Variants in RSPH14 observed in about 807,000 individuals in gnomAD.
RSPH14 encodes radial spoke head 14 homolog, also known as rhabdoid tumor deletion region gene 1.
A neutral mutation model predicts 26.7 loss-of-function variants in RSPH14; 20 were observed. That is an observed-to-expected ratio of 0.75 (90% CI 0.53 to 1.09). The LOEUF (loss-of-function observed/expected upper bound fraction) is 1.09, where lower values mean the gene tolerates loss of function less well. Ranked by LOEUF, RSPH14 falls within the 50% of genes least tolerant of loss-of-function variation. The probability of loss-of-function intolerance (pLI) is 0.00; values close to 1 mark genes in which losing one functional copy is unlikely to be tolerated. For synonymous variants in RSPH14, 177 were observed against 189.3 expected (o/e 0.93, Z 0.53); for missense variants, 449 against 457.2 (o/e 0.98, Z 0.16).
the RSPH14 span, chr22:23,161,691 G>A: frequency 2.5e-6 from 2 of 803,528 alleles, no homozygotes; most frequent in Admixed American, 2.5e-5. Flanking sequence ...CCATGTTCCA[G>A]TCCCTCCACC....
At chr22:23,123,732 TGCCCCTTCAC>T in intron 4 of RSPH14, 5 of 378,550 alleles carry the variant, frequency 1.3e-5, no homozygotes, top group South Asian at 3.7e-5. Context: ...AAGCCCAACC[TGCCCCTTCAC>T]TTTGCCTTCC....
At chr22:23,094,644 C>T (rs1362997340) in intron 4 of RSPH14, among the ~76,000 whole-genome samples, 2 of 152,232 alleles carry the variant, frequency 1.3e-5, no homozygotes, top group South Asian at 4.1e-4. Flanking sequence ...ACGGTGCTCC[C>T]ACAGCCTGAA....
chr22:23,180,170 G>A, the RSPH14 span: 34 of 235,466 alleles, frequency 1.4e-4, no homozygotes, highest in African/African-American at 5.9e-4. Context: ...TGGACTGGCC[G>A]GAGAAGTCCT....
At chr22:23,097,189 G>C (rs1317127540) in intron 4 of RSPH14, among the ~76,000 whole-genome samples, 1 of 152,196 alleles carries the variant, frequency 6.6e-6, no homozygotes, top group Admixed American at 6.5e-5. Context: ...GGGAGTGGGG[G>C]CAAACAAGGA....
intron 4 of RSPH14, chr22:23,123,042 T>A (rs369001342): frequency 7.6e-7 from 1 of 1,319,794 alleles, no homozygotes; most frequent in Non-Finnish European, 1.1e-6. Context: ...GGTCTGTCTC[T>A]GCCTGCTGCG....
At chr22:23,172,934 A>T in the RSPH14 span, among the ~76,000 whole-genome samples, 2 of 151,614 alleles carry the variant, frequency 1.3e-5, no homozygotes, top group African/African-American at 4.8e-5. Context: ...TGGGGTACAG[A>T]ACGAGACTGC....
At chr22:23,086,086 G>A (rs969283851) in intron 4 of RSPH14, among the ~76,000 whole-genome samples, 1 of 152,264 alleles carries the variant, frequency 6.6e-6, no homozygotes, top group African/African-American at 2.4e-5. Flanking sequence ...TCTACGGCGG[G>A]TGACCCTGGC....
At position 23,133,587 on chromosome 22, in the gene RSPH14, T is replaced by C. The variant is rs893734840; in HGVS notation, c.421+439A>G. ...CGTTTAGGATATGCGCTTTTCTTTTTTCTTTCTTTTTTTTTGTCTTAAGAC... is the reference window on the plus strand; with the variant it reads ...CGTTTAGGATATGCGCTTTTCTTTTCTCTTTCTTTTTTTTTGTCTTAAGAC... On this transcript the variant is annotated intron_variant, in intron 4 of 6. Coordinates refer to ENST00000216036, the MANE Select transcript of RSPH14 (RefSeq NM_014433.3). 1.0e-3 allele frequency among the ~76,000 whole-genome samples: 156 copies of C among 152,242 alleles called. 2 individuals are homozygous for C. Among genetic ancestry groups the C allele is most frequent in the Non-Finnish European group, 1.4e-3 (98 of 68,008 alleles).
chr22:23,156,221 G>C, the RSPH14 span: 3 of 561,236 alleles, frequency 5.3e-6, no homozygotes, highest in Non-Finnish European at 6.5e-6. Context: ...GCTGACTTTG[G>C]CGATCACACC....
In RSPH14 at chr22:23,128,081, G is replaced by C. The variant is rs189525430; in HGVS notation, c.421+5945C>G. Reference sequence around the variant, plus strand: ...CTGGCACAAGGAGAGGGAGACTGGAGGCAGGGCCAGAACAGACTCACAGGT... The same window carrying C: ...CTGGCACAAGGAGAGGGAGACTGGACGCAGGGCCAGAACAGACTCACAGGT... On this transcript the variant is annotated intron_variant, in intron 4 of 6. Coordinates refer to ENST00000216036, the MANE Select transcript of RSPH14 (RefSeq NM_014433.3). Among the ~76,000 whole-genome samples, 13 of 152,320 alleles carry C rather than the reference G, an allele frequency of 8.5e-5. No individual in the cohort carries two copies. In the East Asian group the frequency reaches 2.5e-3, roughly 29 times the overall value.
upstream of RSPH14, among the ~76,000 whole-genome samples, chr22:23,142,630 G>A (rs1240209076): frequency 6.6e-6 from 1 of 152,212 alleles, no homozygotes; most frequent in Non-Finnish European, 1.5e-5. Context: ...GAGCCACTGC[G>A]CTCAGCCAGT....
chr22:23,153,490 CA>C, the RSPH14 span: 46 of 883,034 alleles, frequency 5.2e-5, no homozygotes, highest in South Asian at 2.1e-3. Flanking sequence ...TGGCCTCCCG[CA>C]GGTTGCTGCT....
the RSPH14 span, chr22:23,162,692 G>T: frequency 2.2e-6 from 1 of 456,130 alleles, no homozygotes; most frequent in Non-Finnish European, 4.4e-6. Context: ...ACCTGGCTAT[G>T]CCCACTCATC....
intron 4 of RSPH14, chr22:23,124,614 CTT>C (rs1376897580): frequency 4.6e-6 from 1 of 218,402 alleles, no homozygotes; most frequent in Non-Finnish European, 9.9e-6. Flanking sequence ...TTATTTGTGG[CTT>C]TGCTGAGTGA....
chr22:23,095,918 T>C (rs988956804), intron 4 of RSPH14: 13 of 1,613,480 alleles, frequency 8.1e-6, no homozygotes, highest in Non-Finnish European at 1.1e-5. Context: ...CCTCATCATC[T>C]ACAATGCCAT....
At chr22:23,096,130 C>G (rs1328521572) in intron 4 of RSPH14, 1 of 1,612,066 alleles carries the variant, frequency 6.2e-7, no homozygotes, top group African/African-American at 1.3e-5. Context: ...GCCGCTCCAG[C>G]GAGTACCACC....
intron 4 of RSPH14, among the ~76,000 whole-genome samples, chr22:23,107,798 C>G (rs142584661): frequency 1.3e-5 from 2 of 152,144 alleles, no homozygotes; most frequent in East Asian, 3.8e-4. Context: ...AGTTCCTGAT[C>G]GTTTTAAAGC....
chr22:23,086,081 G>A (rs572692599), intron 4 of RSPH14, among the ~76,000 whole-genome samples: 6 of 152,358 alleles, frequency 3.9e-5, no homozygotes, highest in Admixed American at 2.6e-4. Context: ...TTCTGTCTAC[G>A]GCGGGTGACC....
upstream of RSPH14, chr22:23,142,162 A>C (rs533214271): frequency 5.4e-5 from 19 of 349,506 alleles, no homozygotes; most frequent in Admixed American, 2.6e-4. Context: ...GACCAAAGGC[A>C]GCTCAGCTTT....
Sources: gnomAD v4.1 joint callset for allele counts (sites outside exome capture counted in the v4.1 genomes callset) on GRCh38, gnomAD v4.1.1 for gene constraint, MANE v1.5 for transcripts, NCBI Gene and HGNC (gene_info 2026-07-23, HGNC 2026-07-21) for gene names.